The following NCOA3 variants were observed in gnomAD, a reference collection of about 807,000 sequenced individuals.
The protein encoded by NCOA3 is nuclear receptor coactivator 3.
NCOA3 carries 51 observed loss-of-function variants against 158.8 expected under a neutral mutation model. That is an observed-to-expected ratio of 0.32 (90% CI 0.26 to 0.41). The LOEUF is 0.41. Ranked by LOEUF, NCOA3 falls within the 10% of genes least tolerant of loss-of-function variation. The pLI is 1.00. For synonymous variants in NCOA3, 537 were observed against 592.4 expected (o/e 0.91, Z 1.36); for missense variants, 1,510 against 1,746.6 (o/e 0.86, Z 2.41).
At chr20:47,535,574 C>T (rs1162710397) in intron 1 of NCOA3, among the ~76,000 whole-genome samples, 2 of 151,588 alleles carry the variant, frequency 1.3e-5, no homozygotes, top group African/African-American at 4.8e-5. Flanking sequence ...GTGGCGCAAT[C>T]TCGGCTCACT....
chr20:47,578,824 C>T (rs1035075853), intron 1 of NCOA3, among the ~76,000 whole-genome samples: 3 of 152,126 alleles, frequency 2.0e-5, no homozygotes, highest in Non-Finnish European at 4.4e-5. Flanking sequence ...GGAAGGAGAT[C>T]CTGGGAGCAG....
chr20:47,592,778 C>T (rs752408894), intron 2 of NCOA3, among the ~76,000 whole-genome samples: 2 of 152,182 alleles, frequency 1.3e-5, no homozygotes, highest in African/African-American at 2.4e-5. Flanking sequence ...TGTCAAATTG[C>T]AGAAAATTGA....
At chr20:47,543,939 T>C (rs910480682) in intron 1 of NCOA3, among the ~76,000 whole-genome samples, 2 of 152,224 alleles carry the variant, frequency 1.3e-5, no homozygotes, top group African/African-American at 4.8e-5. Flanking sequence ...AGTATTCTCC[T>C]GTGGTAAAAA....
At chr20:47,597,519 C>T (rs1307189520) in intron 2 of NCOA3, among the ~76,000 whole-genome samples, 3 of 144,554 alleles carry the variant, frequency 2.1e-5, no homozygotes, top group Middle Eastern at 3.6e-3. Flanking sequence ...GATGGAGTTT[C>T]GCTCTGTCGC....
At position 47,631,982 on chromosome 20, in the gene NCOA3, A is replaced by G. The variant is rs1185336607; in HGVS notation, c.824-1514A>G. 2.0e-5 allele frequency among the ~76,000 whole-genome samples: 3 copies of G among 152,220 alleles called. No individual in the cohort carries two copies. The East Asian group carries it at 5.8e-4, about 29-fold the overall frequency. On this transcript the variant is annotated intron_variant, in intron 8 of 22. Transcript: ENST00000371998. ...TCTGACATAAGCTGGGTGCCCTACA[A>G]TTTTAGTTTGGACAGTTTCTACCTG...
rs1489916820 is a variant in NCOA3 at position 47,656,760 on chromosome 20, C to CTT, written c.*3345_*3346dup. 6.6e-6 allele frequency: 1 copy of CTT among 152,356 alleles called. No homozygotes were observed. The highest frequency in any genetic ancestry group is 2.1e-4 in the South Asian group (1 of 4,828). 9.4% of individuals were successfully genotyped at this position (152,356 alleles called of 1,614,324 possible). On this transcript the variant is annotated 3_prime_UTR_variant, in exon 23 of 23. Coordinates refer to ENST00000371998, the MANE Select transcript of NCOA3 (RefSeq NM_181659.3). ...GTTGCTTAAAAAAATAGAAATTATTCTTTATCTTGCAAAGAATTGAAACCA... is the reference window on the plus strand; with the variant it reads ...GTTGCTTAAAAAAATAGAAATTATTCTTTTTATCTTGCAAAGAATTGAAACCA...
intron 1 of NCOA3, among the ~76,000 whole-genome samples, chr20:47,506,662 T>A (rs1185634028): frequency 6.6e-6 from 1 of 152,230 alleles, no homozygotes; most frequent in African/African-American, 2.4e-5. Context: ...GAGTCGGACC[T>A]GACTGGCAAA....
intron 17 of NCOA3, 89 bp from the exon 18 acceptor site, chr20:47,646,984 C>G: frequency 8.6e-7 from 1 of 1,157,328 alleles, no homozygotes; most frequent in Non-Finnish European, 1.2e-6. Context: ...TGTTGAATGA[C>G]TGGATGTTTT....
At chr20:47,597,902 G>C (rs2085788790) in intron 2 of NCOA3, among the ~76,000 whole-genome samples, 1 of 151,898 alleles carries the variant, frequency 6.6e-6, no homozygotes, top group African/African-American at 2.4e-5. Context: ...ATTAATCATA[G>C]TTAAGATTCC....
intron 2 of NCOA3, among the ~76,000 whole-genome samples, chr20:47,595,573 G>A (rs1422413453): frequency 1.3e-5 from 2 of 152,140 alleles, no homozygotes; most frequent in Non-Finnish European, 2.9e-5. Flanking sequence ...TGGAAGTCCA[G>A]TAAGGCCAGT....
chr20:47,547,404 A>ATATTATTAT (rs200074877), intron 1 of NCOA3, among the ~76,000 whole-genome samples: 2 of 146,524 alleles, frequency 1.4e-5, no homozygotes, highest in East Asian at 4.0e-4. Flanking sequence ...TTTTATTTTT[A>ATATTATTAT]TATTATTATT....
chr20:47,656,186 AG>A lies in NCOA3; in HGVS notation c.*2770del, dbSNP rs1255187243. ...TAAATAAAATATATATATTTTATAA[AG>A]ATCAGAATGATATAAAGGAGATACA... is the stretch of plus-strand genomic sequence containing the variant. On this transcript the variant is annotated 3_prime_UTR_variant, in exon 23 of 23. Coordinates refer to ENST00000371998, the MANE Select transcript of NCOA3 (RefSeq NM_181659.3). The A allele has an allele frequency of 6.6e-6, 1 of 150,688 alleles. No homozygotes were observed. Among genetic ancestry groups the A allele is most frequent in the Non-Finnish European group, 1.5e-5 (1 of 67,674 alleles). 9.3% of individuals were successfully genotyped at this position (150,688 alleles called of 1,614,324 possible).
chr20:47,647,476 C>A, intron 18 of NCOA3, 110 bp downstream of exon 18: 2 of 1,054,762 alleles, frequency 1.9e-6, no homozygotes, highest in Non-Finnish European at 2.7e-6. Flanking sequence ...TAAAGAAATT[C>A]TTTTTGTTTT....
At chr20:47,554,014 A>C (rs1318449473) in intron 1 of NCOA3, among the ~76,000 whole-genome samples, 2 of 152,228 alleles carry the variant, frequency 1.3e-5, no homozygotes, top group Non-Finnish European at 2.9e-5. Context: ...CAGTCCCACC[A>C]ACAGTGTAAA....
At chr20:47,627,861 A>G (rs937157609) in intron 7 of NCOA3, 61 bp from the exon 8 acceptor site, 54 of 1,576,380 alleles carry the variant, frequency 3.4e-5, no homozygotes, top group South Asian at 4.5e-5. Context: ...TTGCTTGCCT[A>G]TTGAACATAT....
chr20:47,635,930 A>G lies in NCOA3; in HGVS notation c.1544A>G (p.Asn515Ser). 6.2e-7 allele frequency: 1 copy of G among 1,614,044 alleles called. No homozygotes were observed. The highest frequency in any genetic ancestry group is 8.5e-7 in the Non-Finnish European group (1 of 1,179,962). The change falls in exon 12 of 23, where the codon AAC (asparagine) becomes AGC (serine). Residue 515 changes from asparagine to serine, a missense_variant. By Grantham distance (46) the Asn-to-Ser change is conservative. Transcript: ENST00000371998. ...ATGGCATCTTCTGGCAATACTGGGA[A>G]CCACAGCTTTTCCAGCAGCTCTCTC... Reference protein sequence around the residue: ...SPMASSGNTGNHSFSSSSLSA... With the variant: ...SPMASSGNTGSHSFSSSSLSA...
At chr20:47,616,669 C>T (rs1039299403) in intron 2 of NCOA3, among the ~76,000 whole-genome samples, 14 of 152,112 alleles carry the variant, frequency 9.2e-5, no homozygotes, top group Non-Finnish European at 2.1e-4. Context: ...CCTTTGAATT[C>T]TGATAAAATG....
At position 47,564,173 on chromosome 20, in the gene NCOA3, T is replaced by C. The variant is rs1383840967; in HGVS notation, c.-98-19010T>C. On this transcript the variant is annotated intron_variant, in intron 1 of 22. Transcript: ENST00000371998. ...CAAAAAACGAAAAAAAAAAAATTTA[T>C]GCACCTTTCTCCGTTTTTTTCCCCA... Among the ~76,000 whole-genome samples, 3 of 151,782 alleles carry C rather than the reference T, an allele frequency of 2.0e-5. No homozygotes were observed. The East Asian group carries it at 5.8e-4, about 29-fold the overall frequency.
chr20:47,565,828 TA>T (rs1160488044), intron 1 of NCOA3, among the ~76,000 whole-genome samples: 1 of 152,216 alleles, frequency 6.6e-6, no homozygotes, highest in Non-Finnish European at 1.5e-5. Flanking sequence ...GAACAAGCAT[TA>T]TTTTTGATAA....
Sources: gnomAD v4.1 joint callset for allele counts (sites outside exome capture counted in the v4.1 genomes callset) on GRCh38, gnomAD v4.1.1 for gene constraint, MANE v1.5 for transcripts, NCBI Gene and HGNC (gene_info 2026-07-23, HGNC 2026-07-21) for gene names.